The following SYCP2 variants were observed in gnomAD, a reference collection of about 807,000 sequenced individuals.
SYCP2 encodes the protein synaptonemal complex lateral element protein.
SYCP2 carries 55 observed loss-of-function variants against 211.3 expected under a neutral mutation model. The observed-to-expected ratio is 0.26, with a 90% confidence interval of 0.21 to 0.33. The LOEUF is 0.33. SYCP2 is among the 10% of genes least tolerant of loss of function. SYCP2 has a pLI of 1.00. For synonymous variants in SYCP2, 570 were observed against 555.2 expected (o/e 1.03, Z -0.37); for missense variants, 1,731 against 1,752.0 (o/e 0.99, Z 0.21).
intron 35 of SYCP2, 52 bp downstream of exon 35, chr20:59,873,804 T>C (rs2059500641): frequency 1.4e-6 from 2 of 1,441,958 alleles, no homozygotes; most frequent in Non-Finnish European, 1.9e-6. Flanking sequence ...GGAAAATAAC[T>C]TACTACCTTC....
chr20:59,885,787 C>T, intron 26 of SYCP2, 141 bp downstream of exon 26: 1 of 700,696 alleles, frequency 1.4e-6, no homozygotes, highest in Non-Finnish European at 2.4e-6. Flanking sequence ...TGCTATTAAA[C>T]CTGTCAGTGG....
intron 31 of SYCP2, among the ~76,000 whole-genome samples, chr20:59,879,336 G>A (rs1434499689): frequency 6.7e-6 from 1 of 148,450 alleles, no homozygotes. Context: ...ACTTCCTCAT[G>A]TATCTGGTGA....
intron 35 of SYCP2, among the ~76,000 whole-genome samples, chr20:59,872,597 G>C (rs1292639943): frequency 4.6e-5 from 7 of 151,860 alleles, no homozygotes; most frequent in Non-Finnish European, 7.4e-5. Flanking sequence ...AGTATATATA[G>C]CATTCAGTGC....
chr20:59,883,711 G>A (rs1244489256), intron 26 of SYCP2, among the ~76,000 whole-genome samples: 4 of 151,610 alleles, frequency 2.6e-5, no homozygotes, highest in Admixed American at 1.3e-4. Flanking sequence ...CAGGAGGGAA[G>A]GAAAAAGGGA....
intron 20 of SYCP2, among the ~76,000 whole-genome samples, chr20:59,894,034 T>A (rs2145743422): frequency 6.6e-6 from 1 of 152,212 alleles, no homozygotes; most frequent in East Asian, 1.9e-4. Context: ...TTTAGCTAAG[T>A]TTTTTATTTA....
At chr20:59,870,727 T>C (rs1051756243) in intron 35 of SYCP2, among the ~76,000 whole-genome samples, 7 of 151,758 alleles carry the variant, frequency 4.6e-5, no homozygotes, top group African/African-American at 1.5e-4. Flanking sequence ...AAATGTAAAA[T>C]GACCCCAATT....
rs1454515983 is a variant in SYCP2 at position 59,865,881 on chromosome 20, A to C, written c.4321-16T>G. ...CCCAAAAGTCCTAAATTAATTAATA[A>C]AATTTTATTTAGTCCTAAATATTTT... is the stretch of plus-strand genomic sequence containing the variant. On this transcript the variant is annotated splice_polypyrimidine_tract_variant and intron_variant, in intron 41 of 44. Transcript: ENST00000357552. 2.6e-6 allele frequency: 3 copies of C among 1,176,140 alleles called. No homozygotes were observed. In the African/African-American group the frequency reaches 4.8e-5, roughly 19 times the overall value. The allele number at this position is 1,176,140 out of a possible 1,614,324, so 72.9% of individuals were successfully genotyped here.
rs952426613 is a variant in SYCP2 at position 59,911,719 on chromosome 20, T to C, written c.972+31A>G. Reference sequence around the variant, plus strand: ...TAAAAATCTTATATATGCATATACATAAAGAATAATACCAACCAAATTAAA... The same window carrying C: ...TAAAAATCTTATATATGCATATACACAAAGAATAATACCAACCAAATTAAA... On this transcript the variant is annotated intron_variant, in intron 14 of 44. Coordinates refer to ENST00000357552, the MANE Select transcript of SYCP2 (RefSeq NM_014258.4). The C allele has an allele frequency of 1.1e-5, 12 of 1,127,426 alleles. No individual in the cohort carries two copies. The African/African-American group carries it at 1.4e-4, about 13-fold the overall frequency. 69.8% of individuals were successfully genotyped at this position (1,127,426 alleles called of 1,614,324 possible).
At chr20:59,875,946 A>G (rs1055666118) in intron 33 of SYCP2, among the ~76,000 whole-genome samples, 4 of 152,194 alleles carry the variant, frequency 2.6e-5, no homozygotes, top group Non-Finnish European at 5.9e-5. Flanking sequence ...GGGTAGAAAA[A>G]AGCTTGGAAT....
intron 24 of SYCP2, among the ~76,000 whole-genome samples, chr20:59,889,369 A>G (rs1191543312): frequency 6.6e-6 from 1 of 151,848 alleles, no homozygotes; most frequent in Non-Finnish European, 1.5e-5. Flanking sequence ...CATTTTTGGG[A>G]CTAAAATTGC....
chr20:59,921,773 C>T (rs755290730), intron 3 of SYCP2, among the ~76,000 whole-genome samples: 8 of 151,358 alleles, frequency 5.3e-5, no homozygotes, highest in Non-Finnish European at 1.0e-4. Context: ...GTAACGAACA[C>T]TTAAACCAAG....
rs143859419 is a variant in SYCP2 at position 59,864,399 on chromosome 20, G to GAA, written c.4516-13_4516-12dup. ...AAGCTCCTCTTCTAGCTATAGCCAAGAAAAAAAAAATCACACTTAGATTTC... is the reference window on the plus strand; with the variant it reads ...AAGCTCCTCTTCTAGCTATAGCCAAGAAAAAAAAAAAATCACACTTAGATTTC... On this transcript the variant is annotated splice_polypyrimidine_tract_variant and intron_variant, in intron 44 of 44. Coordinates refer to ENST00000357552, the MANE Select transcript of SYCP2 (RefSeq NM_014258.4). 0.029 allele frequency: 40,265 copies of GAA among 1,400,636 alleles called. 328 individuals are homozygous for GAA. Among genetic ancestry groups the GAA allele is most frequent in the Middle Eastern group, 0.043 (231 of 5,326 alleles). The allele number at this position is 1,400,636 out of a possible 1,614,324, so 86.8% of individuals were successfully genotyped here. A position where few individuals can be genotyped will look rare whatever the true frequency, so the allele number is the denominator to read the frequency against.
At chr20:59,881,585 AATC>A (rs2059682117) in intron 28 of SYCP2, 93 bp from the exon 29 acceptor site, 2 of 631,500 alleles carry the variant, frequency 3.2e-6, no homozygotes, top group East Asian at 6.5e-5. Context: ...TGCTTCACAA[AATC>A]ATAAGATTTG....
At position 59,893,183 on chromosome 20, in the gene SYCP2, A is replaced by G; in HGVS notation, c.1752T>C (p.Val584=). Residue 584 remains valine (V), a synonymous_variant, in exon 22 of 45, where the codon GTT becomes GTC. Transcript: ENST00000357552. ...TTTCCGCTGCCTGTGAATCTGGTAT[A>G]ACATCCTGGAGTTCACCTAAATAAA... ...PNQNFSELQD[V]IPDSQAAEKR... 1 of 1,602,084 alleles carries G rather than the reference A, an allele frequency of 6.2e-7. No individual in the cohort carries two copies. Among genetic ancestry groups the G allele is most frequent in the Non-Finnish European group, 8.5e-7 (1 of 1,173,488 alleles).
At chr20:59,869,132 A>G (rs553363873) in intron 36 of SYCP2, among the ~76,000 whole-genome samples, 1 of 151,752 alleles carries the variant, frequency 6.6e-6, no homozygotes, top group South Asian at 2.1e-4. Context: ...AATAGCTGTG[A>G]TGTGAGCTAC....
At chr20:59,915,831 C>G (rs1278605707) in intron 8 of SYCP2, 1 of 195,092 alleles carries the variant, frequency 5.1e-6, no homozygotes, top group Non-Finnish European at 1.0e-5. Context: ...CCGTCTCTAC[C>G]AAAAATACAA....
intron 15 of SYCP2, among the ~76,000 whole-genome samples, 155 bp from the exon 16 acceptor site, chr20:59,901,965 C>T (rs1447920324): frequency 1.3e-5 from 2 of 151,966 alleles, no homozygotes; most frequent in Non-Finnish European, 2.9e-5. Context: ...CACTACTTAC[C>T]TATGTAAATC....
intron 33 of SYCP2, 108 bp from the exon 34 acceptor site, chr20:59,875,577 T>TTTA: frequency 1.2e-6 from 1 of 804,382 alleles, no homozygotes; most frequent in Non-Finnish European, 1.9e-6. Context: ...TATTACCACA[T>TTTA]ACAGGCATAA....
In SYCP2 at chr20:59,914,089, G is replaced by A. The variant is rs1194074601; in HGVS notation, c.777+20C>T. 55 of 1,579,604 alleles carry A rather than the reference G, an allele frequency of 3.5e-5. No individual in the cohort carries two copies. Among genetic ancestry groups the A allele is most frequent in the Middle Eastern group, 3.4e-4 (2 of 5,860 alleles). Reference sequence around the variant, plus strand: ...AATTTTTAAAAATTCACGAATTTCTGTTATTGTTATACAACTTACTGTTTC... The same window carrying A: ...AATTTTTAAAAATTCACGAATTTCTATTATTGTTATACAACTTACTGTTTC... On this transcript the variant is annotated intron_variant, in intron 11 of 44. Coordinates refer to ENST00000357552, the MANE Select transcript of SYCP2 (RefSeq NM_014258.4).
Sources: gnomAD v4.1 joint callset for allele counts (sites outside exome capture counted in the v4.1 genomes callset) on GRCh38, gnomAD v4.1.1 for gene constraint, MANE v1.5 for transcripts, NCBI Gene and HGNC (gene_info 2026-07-23, HGNC 2026-07-21) for gene names.